The following C5orf63 variants were observed in gnomAD, a reference collection of about 807,000 sequenced individuals.
C5orf63 encodes the protein chromosome 5 open reading frame 63, also known as glutaredoxin-like protein C5orf63.
A neutral mutation model predicts 13.3 loss-of-function variants in C5orf63; 18 were observed. The ratio of observed to expected loss-of-function variants is 1.36; its 90% CI spans 0.94 to 2.01. The LOEUF is 2.01. C5orf63 is among the 30% of genes most tolerant of loss of function. The pLI, the probability that C5orf63 is intolerant of heterozygous loss-of-function variation, is 0.00. For missense variants in C5orf63, 118 were observed against 127.7 expected (o/e 0.92, Z 0.36); for synonymous variants, 38 against 44.7 (o/e 0.85, Z 0.60).
chr5:127,053,509 G>T (rs1705833279), intron 3 of C5orf63, among the ~76,000 whole-genome samples: 1 of 151,898 alleles, frequency 6.6e-6, no homozygotes, highest in Non-Finnish European at 1.5e-5. Flanking sequence ...ATGTATACAT[G>T]TGCCATGTTG....
intron 3 of C5orf63, among the ~76,000 whole-genome samples, chr5:127,055,089 T>G (rs969452490): frequency 2.0e-5 from 3 of 152,108 alleles, no homozygotes; most frequent in Admixed American, 6.6e-5. Flanking sequence ...CTGTTCCATT[T>G]GTCTATATCT....
At chr5:127,057,705 T>G (rs1042002990) in intron 3 of C5orf63, among the ~76,000 whole-genome samples, 3 of 152,248 alleles carry the variant, frequency 2.0e-5, no homozygotes, top group African/African-American at 7.2e-5. Context: ...AAGCATTCAT[T>G]CTAAGCTGAG....
At chr5:127,062,903 T>G (rs1457243778) in intron 2 of C5orf63, among the ~76,000 whole-genome samples, 1 of 152,158 alleles carries the variant, frequency 6.6e-6, no homozygotes, top group Non-Finnish European at 1.5e-5. Flanking sequence ...CACACAGACA[T>G]GATTTTATCC....
At chr5:127,057,565 G>A (rs1753933662) in intron 3 of C5orf63, among the ~76,000 whole-genome samples, 1 of 152,148 alleles carries the variant, frequency 6.6e-6, no homozygotes, top group Non-Finnish European at 1.5e-5. Context: ...CATTATTTAT[G>A]GATTCCATAT....
At position 127,052,177 on chromosome 5, in the gene C5orf63, T is replaced by C. The variant is rs751030931; in HGVS notation, c.172-230A>G. Reference sequence around the variant, plus strand: ...TCTGTTACCCCTGTTACATTCAGCATCAGGACAGTACTCAGTTCCAATGAA... The same window carrying C: ...TCTGTTACCCCTGTTACATTCAGCACCAGGACAGTACTCAGTTCCAATGAA... On this transcript the variant is annotated intron_variant, in intron 4 of 4. Transcript: ENST00000296662. Among the ~76,000 whole-genome samples the C allele has an allele frequency of 2.6e-4, 40 of 152,236 alleles. 1 individual carries two copies. Among genetic ancestry groups the C allele is most frequent in the Non-Finnish European group, 2.9e-5 (2 of 68,042 alleles).
At position 127,067,566 on chromosome 5, in the gene C5orf63, G is replaced by A. The variant is rs114622583; in HGVS notation, c.-8+4018C>T. On this transcript the variant is annotated intron_variant, in intron 2 of 4. Transcript: ENST00000296662. ...CTGACTAGCAAATACCTTGGCACCAGGTATTGGCTTAAACTTACTCAGCCT... is the reference window on the plus strand; with the variant it reads ...CTGACTAGCAAATACCTTGGCACCAAGTATTGGCTTAAACTTACTCAGCCT... Among the ~76,000 whole-genome samples the A allele has an allele frequency of 5.6e-3, 855 of 152,234 alleles. 7 individuals are homozygous for A. The highest frequency in any genetic ancestry group is 0.02 in the African/African-American group (829 of 41,544).
At chr5:127,042,593 A>C (rs545592253), downstream of C5orf63, 1 of 152,254 alleles carries the variant, frequency 6.6e-6, no homozygotes, top group South Asian at 2.1e-4. Context: ...TTATTTCCAA[A>C]TTTTGAAGAT....
downstream of C5orf63, among the ~76,000 whole-genome samples, chr5:127,050,366 A>C (rs1753632514): frequency 6.6e-6 from 1 of 151,458 alleles, no homozygotes; most frequent in South Asian, 2.1e-4. Context: ...TTTTTTTAAG[A>C]GACACAGTCT....
chr5:127,060,015 G>C (rs981665361), intron 2 of C5orf63, among the ~76,000 whole-genome samples: 1 of 152,250 alleles, frequency 6.6e-6, no homozygotes, highest in Admixed American at 6.5e-5. Context: ...GCAGGAGCCT[G>C]TAATCCCAGC....
intron 3 of C5orf63, among the ~76,000 whole-genome samples, chr5:127,058,489 C>T (rs1753971544): frequency 6.6e-6 from 1 of 152,086 alleles, no homozygotes; most frequent in Admixed American, 6.6e-5. Context: ...ATATTATGAC[C>T]AGAGACTCAT....
At chr5:127,046,576 T>A (rs886202600), downstream of C5orf63, 2 of 152,296 alleles carry the variant, frequency 1.3e-5, no homozygotes, top group African/African-American at 4.8e-5. Flanking sequence ...TCATTGCCTG[T>A]CCTGCTTCTG....
chr5:127,061,751 G>A (rs1007523364), intron 2 of C5orf63, among the ~76,000 whole-genome samples: 1 of 152,140 alleles, frequency 6.6e-6, no homozygotes, highest in Non-Finnish European at 1.5e-5. Context: ...GTTTACTCTA[G>A]GTAGAAACTT....
intron 3 of C5orf63, chr5:127,056,408 G>A: frequency 6.5e-6 from 1 of 153,278 alleles, no homozygotes; most frequent in South Asian, 2.1e-4. Context: ...GTTCCACATG[G>A]CTGGGGAGGC....
chr5:127,068,269 T>C (rs910227209), intron 2 of C5orf63, among the ~76,000 whole-genome samples: 4 of 152,148 alleles, frequency 2.6e-5, no homozygotes, highest in African/African-American at 4.8e-5. Flanking sequence ...AGGCCTTGAA[T>C]AAAAAATCCA....
chr5:127,064,555 G>T (rs1363934262), intron 2 of C5orf63, among the ~76,000 whole-genome samples: 7 of 152,240 alleles, frequency 4.6e-5, no homozygotes, highest in East Asian at 3.9e-4. Flanking sequence ...ACTATGAATA[G>T]GCCTATATTA....
intron 3 of C5orf63, among the ~76,000 whole-genome samples, chr5:127,058,400 T>C (rs1753969411): frequency 6.6e-6 from 1 of 152,236 alleles, no homozygotes; most frequent in Non-Finnish European, 1.5e-5. Flanking sequence ...TAGTATTCCA[T>C]GGTGCAAATG....
chr5:127,072,886 A>C (rs1036871289), intron 1 of C5orf63, among the ~76,000 whole-genome samples: 1 of 152,152 alleles, frequency 6.6e-6, no homozygotes, highest in African/African-American at 2.4e-5. Flanking sequence ...TTATTCTCTC[A>C]TTGTTCAGTA....
At chr5:127,055,740 A>C (rs1198131393) in intron 3 of C5orf63, among the ~76,000 whole-genome samples, 2 of 152,172 alleles carry the variant, frequency 1.3e-5, no homozygotes, top group Admixed American at 6.6e-5. Context: ...AGCAAAAAAA[A>C]CCAAGAGCAT....
intron 1 of C5orf63, 151 bp downstream of exon 1, chr5:127,073,300 T>C (rs961429155): frequency 1.3e-5 from 2 of 152,220 alleles, no homozygotes; most frequent in African/African-American, 4.8e-5. Flanking sequence ...AAGTAGTTCA[T>C]GGATTTATGG....
Sources: allele counts gnomAD v4.1 joint callset (sites outside exome capture counted in the v4.1 genomes callset), GRCh38; gene constraint gnomAD v4.1.1; transcripts MANE v1.5; gene names NCBI Gene and HGNC (gene_info 2026-07-23, HGNC 2026-07-21).